CADM2: variants seen among roughly 807,000 people sequenced by gnomAD.
The protein encoded by CADM2 is immunoglobulin superfamily member 4D.
Under a neutral mutation model 49.8 loss-of-function variants are expected in CADM2, and 12 were observed. That is an observed-to-expected ratio of 0.24 (90% CI 0.15 to 0.39). The LOEUF (loss-of-function observed/expected upper bound fraction) is 0.39. CADM2 is among the 10% of genes least tolerant of loss of function. The pLI is 1.00. For synonymous variants in CADM2, 214 were observed against 175.4 expected (o/e 1.22, Z -1.74); for missense variants, 378 against 492.3 (o/e 0.77, Z 2.20).
chr3:85,003,263 A>G (rs1004061245), intron 1 of CADM2, among the ~76,000 whole-genome samples: 2 of 152,142 alleles, frequency 1.3e-5, no homozygotes. Flanking sequence ...ATGGAATTCC[A>G]TGATTTATAA....
intron 8 of CADM2, among the ~76,000 whole-genome samples, chr3:86,009,944 GT>G (rs1731292909): frequency 1.3e-5 from 2 of 151,784 alleles, no homozygotes; most frequent in African/African-American, 4.8e-5. Flanking sequence ...GATATGTTGT[GT>G]TTAGGTAGTA....
chr3:85,103,451 A>G (rs1343836054), intron 1 of CADM2, among the ~76,000 whole-genome samples: 1 of 152,190 alleles, frequency 6.6e-6, no homozygotes, highest in Non-Finnish European at 1.5e-5. Flanking sequence ...ATGAGGGAGC[A>G]CAAGATAAAT....
intron 8 of CADM2, among the ~76,000 whole-genome samples, chr3:86,044,818 A>G (rs1209786722): frequency 6.6e-6 from 1 of 152,236 alleles, no homozygotes; most frequent in Non-Finnish European, 1.5e-5. Context: ...CCAAATGTCC[A>G]ACAATGATAG....
At chr3:85,204,874 G>C (rs2041594393) in intron 1 of CADM2, among the ~76,000 whole-genome samples, 1 of 151,918 alleles carries the variant, frequency 6.6e-6, no homozygotes, top group African/African-American at 2.4e-5. Context: ...AATAGAACAA[G>C]TTTAAAGCTA....
rs1491115321 is a variant in CADM2 at position 85,515,611 on chromosome 3, A to ATATATG, written c.62-210906_62-210905insGTATAT. On this transcript the variant is annotated intron_variant, in intron 1 of 9. Coordinates refer to ENST00000383699, the MANE Select transcript of CADM2 (RefSeq NM_001167675.2). ...CAGGAGAGTGCCACCACGCCCACTAATATATATATATATATATATATTTTT... is the reference window on the plus strand; with the variant it reads ...CAGGAGAGTGCCACCACGCCCACTAATATATGTATATATATATATATATATATTTTT... 2.8e-4 allele frequency among the ~76,000 whole-genome samples: 29 copies of ATATATG among 103,368 alleles called. No homozygotes were observed. The East Asian group carries it at 5.9e-3, about 21-fold the overall frequency. 67.8% of individuals were successfully genotyped at this position (103,368 alleles called of 152,430 possible). A position where few individuals can be genotyped will look rare whatever the true frequency, so the allele number is the denominator to read the frequency against.
At chr3:84,968,249 G>A (rs12485289) in intron 1 of CADM2, among the ~76,000 whole-genome samples, 12,195 of 151,824 alleles carry the variant, frequency 0.08, 686 homozygotes, top group Admixed American at 0.19. Context: ...TCCACTGAGA[G>A]GATCTAATTA....
At chr3:85,722,249 A>G (rs2067529475) in intron 1 of CADM2, among the ~76,000 whole-genome samples, 1 of 151,984 alleles carries the variant, frequency 6.6e-6, no homozygotes, top group East Asian at 1.9e-4. Context: ...CTTAGCAGAG[A>G]GGAGACCCTG....
intron 1 of CADM2, among the ~76,000 whole-genome samples, chr3:85,141,118 G>A (rs7643603): frequency 0.074 from 11,256 of 152,134 alleles, 1,406 homozygotes; most frequent in African/African-American, 0.26. Context: ...TTTCATATGA[G>A]AGCCAGTTAT....
At chr3:85,486,750 G>T (rs1468048441) in intron 1 of CADM2, among the ~76,000 whole-genome samples, 1 of 152,024 alleles carries the variant, frequency 6.6e-6, no homozygotes, top group Admixed American at 6.6e-5. Context: ...AAACTCTCAG[G>T]AGGCAAGAGA....
intron 1 of CADM2, among the ~76,000 whole-genome samples, chr3:85,380,429 G>A (rs2033837174): frequency 6.6e-6 from 1 of 151,902 alleles, no homozygotes; most frequent in African/African-American, 2.4e-5. Flanking sequence ...CAATCTTAGA[G>A]TGTAGAAGTT....
intron 5 of CADM2, among the ~76,000 whole-genome samples, chr3:85,894,903 A>G (rs1559727246): frequency 6.6e-6 from 1 of 152,224 alleles, no homozygotes; most frequent in Non-Finnish European, 1.5e-5. Flanking sequence ...CAGAGGATGT[A>G]TGGAAATGCC....
chr3:85,066,560 T>A (rs1396198875), intron 1 of CADM2, among the ~76,000 whole-genome samples: 1 of 151,900 alleles, frequency 6.6e-6, no homozygotes, highest in East Asian at 1.9e-4. Flanking sequence ...CACACAAACG[T>A]GTGAGGCATG....
intron 1 of CADM2, among the ~76,000 whole-genome samples, chr3:85,717,896 T>C (rs555893641): frequency 2.1e-4 from 32 of 152,090 alleles, no homozygotes; most frequent in Non-Finnish European, 4.3e-4. Context: ...GCCTCCCAAG[T>C]ATCTGGAATT....
chr3:85,508,090 A>G (rs1240865575), intron 1 of CADM2, among the ~76,000 whole-genome samples: 1 of 152,118 alleles, frequency 6.6e-6, no homozygotes, highest in Admixed American at 6.5e-5. Flanking sequence ...CAATATATAG[A>G]TCAGGAAAGA....
chr3:85,620,635 AAC>A (rs2063945656), intron 1 of CADM2, among the ~76,000 whole-genome samples: 2 of 152,108 alleles, frequency 1.3e-5, no homozygotes, highest in Non-Finnish European at 2.9e-5. Context: ...AAAATCATCA[AAC>A]ACAAAATGTT....
chr3:85,811,180 T>C (rs2072850380), intron 3 of CADM2, among the ~76,000 whole-genome samples: 1 of 152,198 alleles, frequency 6.6e-6, no homozygotes, highest in African/African-American at 2.4e-5. Context: ...TTAGGGAAAT[T>C]ATATGCCTAC....
chr3:84,965,621 A>G (rs1028771808), intron 1 of CADM2, among the ~76,000 whole-genome samples: 2 of 152,202 alleles, frequency 1.3e-5, no homozygotes, highest in Non-Finnish European at 2.9e-5. Flanking sequence ...AGTTTAATGA[A>G]GATGAATAGC....
At chr3:85,742,536 G>A (rs2107830633) in intron 2 of CADM2, among the ~76,000 whole-genome samples, 1 of 152,276 alleles carries the variant, frequency 6.6e-6, no homozygotes, top group African/African-American at 2.4e-5. Flanking sequence ...AATTATAAAT[G>A]AGGTATAAAT....
chr3:85,212,842 C>CT (rs1411108236), intron 1 of CADM2, among the ~76,000 whole-genome samples: 1 of 113,894 alleles, frequency 8.8e-6, no homozygotes, highest in Non-Finnish European at 1.7e-5. Flanking sequence ...TTCTTTCTTT[C>CT]TTTCTTTCTT....
Sources: gnomAD v4.1 joint callset for allele counts (sites outside exome capture counted in the v4.1 genomes callset) on GRCh38, gnomAD v4.1.1 for gene constraint, MANE v1.5 for transcripts, NCBI Gene and HGNC (gene_info 2026-07-23, HGNC 2026-07-21) for gene names.